DENND1A: variants seen among roughly 807,000 people sequenced by gnomAD.
The protein encoded by DENND1A is DENN domain containing 1A, also known as DENN domain-containing protein 1A.
A neutral mutation model predicts 113.7 loss-of-function variants in DENND1A; 51 were observed. The observed-to-expected ratio is 0.45, with a 90% CI of 0.36 to 0.57. The LOEUF (loss-of-function observed/expected upper bound fraction) is 0.57, where lower values mean the gene tolerates loss of function less well. Among genes scored for constraint, DENND1A ranks in the 20% least tolerant of loss-of-function variants. The pLI, the probability that DENND1A is intolerant of heterozygous loss-of-function variation, is 0.00. For missense variants in DENND1A, 1,258 were observed against 1,395.9 expected (o/e 0.90, Z 1.57); for synonymous variants, 565 against 570.8 (o/e 0.99, Z 0.14).
intron 13 of DENND1A, among the ~76,000 whole-genome samples, chr9:123,487,257 T>G (rs1320069819): frequency 6.6e-6 from 1 of 152,156 alleles, no homozygotes; most frequent in Non-Finnish European, 1.5e-5. Flanking sequence ...CCTATCCTCT[T>G]TGCTCAAGTT....
At chr9:123,697,595 T>A (rs1460889314) in intron 5 of DENND1A, among the ~76,000 whole-genome samples, 2 of 152,200 alleles carry the variant, frequency 1.3e-5, no homozygotes, top group African/African-American at 2.4e-5. Flanking sequence ...TGCCTTTGCA[T>A]CCTCATAGCT....
At chr9:123,718,020 A>G (rs2067095180) in intron 5 of DENND1A, among the ~76,000 whole-genome samples, 1 of 152,252 alleles carries the variant, frequency 6.6e-6, no homozygotes, top group South Asian at 2.1e-4. Flanking sequence ...CTGGGAAACT[A>G]GCTGTCTTTT....
At chr9:123,692,186 A>G (rs1203898356) in intron 5 of DENND1A, among the ~76,000 whole-genome samples, 1 of 152,236 alleles carries the variant, frequency 6.6e-6, no homozygotes, top group Admixed American at 6.5e-5. Context: ...AAAATAACAC[A>G]AAGTACCTAT....
At chr9:123,420,090 G>A (rs2045121675) in intron 19 of DENND1A, among the ~76,000 whole-genome samples, 1 of 152,244 alleles carries the variant, frequency 6.6e-6, no homozygotes, top group Non-Finnish European at 1.5e-5. Context: ...TGCTGTACAG[G>A]AAGGACTTCC....
chr9:123,506,654 TAAC>T (rs1288013195), intron 13 of DENND1A, among the ~76,000 whole-genome samples: 1 of 147,652 alleles, frequency 6.8e-6, no homozygotes, highest in East Asian at 2.1e-4. Context: ...TTTATCCTCA[TAAC>T]AACTTACAGA....
rs940459092 is a variant in DENND1A at position 123,912,531 on chromosome 9, C to T, written c.17+17358G>A. Reference sequence around the variant, plus strand: ...TACTCACCAAACACCACAGGAAACCCTGTCGTCCCACCCTCACCCAAATCC... The same window carrying T: ...TACTCACCAAACACCACAGGAAACCTTGTCGTCCCACCCTCACCCAAATCC... On this transcript the variant is annotated intron_variant, in intron 1 of 23. Coordinates refer to ENST00000394215, the MANE Select transcript of DENND1A (RefSeq NM_001352964.2). Among the ~76,000 whole-genome samples, 3 of 152,292 alleles carry T rather than the reference C, an allele frequency of 2.0e-5. No individual in the cohort carries two copies. In the South Asian group the frequency reaches 6.2e-4, roughly 32 times the overall value.
chr9:123,792,150 A>AT (rs1246057924), intron 3 of DENND1A, among the ~76,000 whole-genome samples: 1 of 152,122 alleles, frequency 6.6e-6, no homozygotes, highest in Non-Finnish European at 1.5e-5. Context: ...TCTCCTTCCA[A>AT]TACTACCATA....
At chr9:123,624,775 G>A (rs1167534735) in intron 10 of DENND1A, among the ~76,000 whole-genome samples, 2 of 152,128 alleles carry the variant, frequency 1.3e-5, no homozygotes, top group Non-Finnish European at 2.9e-5. Context: ...GCTGGTAACA[G>A]TTTTTCAGAG....
intron 2 of DENND1A, among the ~76,000 whole-genome samples, chr9:123,833,245 A>G (rs1193679680): frequency 1.3e-5 from 2 of 151,926 alleles, no homozygotes; most frequent in African/African-American, 4.8e-5. Flanking sequence ...GATGCTTACT[A>G]ATGTTCTATG....
At chr9:123,879,553 T>TACACACAC (rs138124573) in intron 1 of DENND1A, among the ~76,000 whole-genome samples, 13 of 150,092 alleles carry the variant, frequency 8.7e-5, no homozygotes, top group African/African-American at 2.2e-4. Context: ...AATAAAATTA[T>TACACACAC]ACACACACAC....
chr9:123,390,917 C>T (rs1205636331), intron 21 of DENND1A, among the ~76,000 whole-genome samples: 1 of 152,256 alleles, frequency 6.6e-6, no homozygotes, highest in Non-Finnish European at 1.5e-5. Flanking sequence ...CAAGAGAGCA[C>T]AGATCACAGC....
chr9:123,595,749 C>A (rs2059658000), intron 11 of DENND1A, among the ~76,000 whole-genome samples: 1 of 152,120 alleles, frequency 6.6e-6, no homozygotes, highest in Non-Finnish European at 1.5e-5. Flanking sequence ...TTGGGGGAGA[C>A]ACTGGGAACA....
chr9:123,854,581 G>A (rs1843868817), intron 2 of DENND1A, among the ~76,000 whole-genome samples: 1 of 151,842 alleles, frequency 6.6e-6, no homozygotes, highest in African/African-American at 2.4e-5. Flanking sequence ...TGTAGTCCCA[G>A]CTACTCAGGA....
chr9:123,913,138 AC>A (rs1184572231), intron 1 of DENND1A, among the ~76,000 whole-genome samples: 3 of 149,512 alleles, frequency 2.0e-5, no homozygotes, highest in Non-Finnish European at 4.4e-5. Flanking sequence ...AAAAAAAAAA[AC>A]CTTCAAAGTT....
intron 10 of DENND1A, among the ~76,000 whole-genome samples, chr9:123,609,805 G>A (rs139608871): frequency 2.6e-5 from 4 of 152,248 alleles, no homozygotes; most frequent in South Asian, 2.1e-4. Context: ...CAGCCAGCAC[G>A]TTGTTACTAG....
chr9:123,515,240 G>A (rs1359738198), intron 13 of DENND1A, among the ~76,000 whole-genome samples: 1 of 152,236 alleles, frequency 6.6e-6, no homozygotes, highest in East Asian at 1.9e-4. Context: ...GTAGATTACA[G>A]ATTGTCTATT....
At chr9:123,732,359 A>C (rs896020894) in intron 5 of DENND1A, among the ~76,000 whole-genome samples, 1 of 152,234 alleles carries the variant, frequency 6.6e-6, no homozygotes, top group African/African-American at 2.4e-5. Flanking sequence ...TCAATAATAA[A>C]AGGGAATAAA....
At chr9:123,811,630 G>T (rs1482380085) in intron 2 of DENND1A, among the ~76,000 whole-genome samples, 1 of 152,072 alleles carries the variant, frequency 6.6e-6, no homozygotes, top group Admixed American at 6.5e-5. Flanking sequence ...GTGGTGGTGG[G>T]CGCCTGTAGT....
At chr9:123,549,806 T>G (rs904627855) in intron 13 of DENND1A, among the ~76,000 whole-genome samples, 5 of 152,136 alleles carry the variant, frequency 3.3e-5, no homozygotes, top group African/African-American at 1.2e-4. Context: ...ATGTAAACCC[T>G]TTGCATAATG....
Sources: gnomAD v4.1 joint callset for allele counts (sites outside exome capture counted in the v4.1 genomes callset) on GRCh38, gnomAD v4.1.1 for gene constraint, MANE v1.5 for transcripts, NCBI Gene and HGNC (gene_info 2026-07-23, HGNC 2026-07-21) for gene names.